RNF128: variants seen among roughly 807,000 people sequenced by gnomAD.
RNF128 encodes the protein E3 ubiquitin-protein ligase RNF128.
Under a neutral mutation model 26.2 loss-of-function variants are expected in RNF128, and 13 were observed. The ratio of observed to expected loss-of-function variants is 0.50; its 90% CI spans 0.32 to 0.79. The LOEUF is 0.79. RNF128 is among the 30% of genes least tolerant of loss of function. The pLI is 0.03. For missense variants in RNF128, 315 were observed against 349.7 expected, an observed-to-expected ratio of 0.90 and a Z score of 0.79; for synonymous variants, 149 against 142.5, an observed-to-expected ratio of 1.05 and a Z score of -0.32.
intron 1 of RNF128, among the ~76,000 whole-genome samples, chrX:106,755,020 T>G (rs1268191861): frequency 9.0e-6 from 1 of 111,341 alleles, no homozygotes; most frequent in Non-Finnish European, 1.9e-5. Context: ...TCAACAAACC[T>G]TTAGCCAGAA....
chrX:106,764,985 C>G (rs952329743), intron 1 of RNF128, among the ~76,000 whole-genome samples: 3 of 111,422 alleles, frequency 2.7e-5, no homozygotes, highest in African/African-American at 9.8e-5. Flanking sequence ...AAATTATCTC[C>G]AGATCCATAA....
chrX:106,779,066 G>GA (rs1930518757), intron 2 of RNF128, among the ~76,000 whole-genome samples: 1 of 111,395 alleles, frequency 9.0e-6, no homozygotes, highest in East Asian at 2.8e-4. Context: ...TCTTGTATAA[G>GA]AAGAACAGAT....
At chrX:106,714,496 G>A (rs1375863007) in intron 1 of RNF128, among the ~76,000 whole-genome samples, 1 of 111,200 alleles carries the variant, frequency 9.0e-6, no homozygotes, top group African/African-American at 3.3e-5. Flanking sequence ...CTCGTATAAC[G>A]ATAGTACAAT....
exon 1 of RNF128, chrX:106,694,251 G>A (rs1928836106): frequency 8.3e-7 from 1 of 1,210,990 alleles, no homozygotes; most frequent in Non-Finnish European, 1.1e-6. Context: ...ACAACACTGA[G>A]TTTAGTAATA....
At chrX:106,739,365 G>A (rs1050926461) in intron 1 of RNF128, among the ~76,000 whole-genome samples, 1 of 110,414 alleles carries the variant, frequency 9.1e-6, no homozygotes, top group Non-Finnish European at 1.9e-5. Context: ...CACCATGTTG[G>A]CCAGGCTGGT....
At chrX:106,701,651 G>C (rs1452466171) in intron 1 of RNF128, among the ~76,000 whole-genome samples, 1 of 111,478 alleles carries the variant, frequency 9.0e-6, no homozygotes, top group Non-Finnish European at 1.9e-5. Context: ...TAGTGCCCTG[G>C]ATAAAACAAT....
intron 1 of RNF128, among the ~76,000 whole-genome samples, chrX:106,730,569 AACTGTT>A (rs1929484552): frequency 8.9e-6 from 1 of 112,146 alleles, no homozygotes; most frequent in African/African-American, 3.2e-5. Context: ...TTGCACAACA[AACTGTT>A]CTGCTTACGC....
chrX:106,759,653 G>C (rs780526543), intron 1 of RNF128, among the ~76,000 whole-genome samples: 7 of 111,779 alleles, frequency 6.3e-5, no homozygotes, highest in African/African-American at 1.9e-4. Context: ...TGGAACTGGA[G>C]AATTATTATG....
chrX:106,773,921 AG>A (rs1930421149), intron 2 of RNF128, among the ~76,000 whole-genome samples: 1 of 111,180 alleles, frequency 9.0e-6, no homozygotes. Context: ...ATACATCTTC[AG>A]TTCCCGTGGC....
At chrX:106,701,597 G>A (rs1569434170) in intron 1 of RNF128, among the ~76,000 whole-genome samples, 1 of 111,013 alleles carries the variant, frequency 9.0e-6, no homozygotes, top group Non-Finnish European at 1.9e-5. Flanking sequence ...AGAAACAATA[G>A]GTAAAAGGGA....
At chrX:106,757,250 C>T (rs1930031909) in intron 1 of RNF128, among the ~76,000 whole-genome samples, 1 of 70,194 alleles carries the variant, frequency 1.4e-5, no homozygotes, top group African/African-American at 5.7e-5. Flanking sequence ...ACCCAAAGGA[C>T]TATAAATCAT....
intron 1 of RNF128, among the ~76,000 whole-genome samples, chrX:106,770,130 G>A (rs937098952): frequency 4.5e-5 from 5 of 111,962 alleles, no homozygotes; most frequent in South Asian, 3.7e-4. Context: ...AGTCTGATGG[G>A]CTTCCCTTTG....
chrX:106,750,121 G>A (rs1929856625), intron 1 of RNF128, among the ~76,000 whole-genome samples: 1 of 111,545 alleles, frequency 9.0e-6, no homozygotes, highest in South Asian at 3.7e-4. Context: ...GTCCAGTGGT[G>A]AGCTTGTTCA....
rs577539329 is a variant in RNF128, at chrX:106,721,661, T to G, written c.406+27253T>G. ...TATCTCCCTCAATGGTCACAGTGCC[T>G]GAAATGCATACAAGAGATATTTCAC... On this transcript the variant is annotated intron_variant, in intron 1 of 6. Coordinates refer to the RNF128 transcript ENST00000324342. Among the ~76,000 whole-genome samples the G allele has an allele frequency of 3.1e-4, 35 of 112,278 alleles. No homozygotes were observed. The South Asian group carries it at 6.7e-3, about 22-fold the overall frequency.
At chrX:106,777,918 C>T (rs1173185601) in intron 2 of RNF128, among the ~76,000 whole-genome samples, 5 of 111,322 alleles carry the variant, frequency 4.5e-5, no homozygotes, top group Admixed American at 1.9e-4. Flanking sequence ...TGCAGTGAGC[C>T]GAGATCATGC....
chrX:106,721,059 G>A (rs1301244433), intron 1 of RNF128, among the ~76,000 whole-genome samples: 2 of 111,972 alleles, frequency 1.8e-5, no homozygotes, highest in African/African-American at 3.3e-5. Flanking sequence ...TGAGCTGACC[G>A]AGGTTTAATC....
In RNF128 at chrX:106,727,178, G is replaced by C. The variant is rs775585163; in HGVS notation, c.265G>C (p.Gly89Arg). The C allele has an allele frequency of 8.3e-7, 1 of 1,209,575 alleles. No individual in the cohort carries two copies. The highest frequency in any genetic ancestry group is 1.1e-6 in the Non-Finnish European group (1 of 894,979). ...PVAGVLVPPD[G>R]PGALNACNPH... is the part of the protein sequence containing the mutation. ...GGCTGGGGTCCTGGTACCGCCCGAC[G>C]GGCCCGGGGCGCTTAACGCCTGTAA... Residue 89 changes from glycine (G) to arginine (R), a missense_variant, in exon 1 of 7, where the codon GGG (glycine) becomes CGG (arginine). Coordinates refer to ENST00000255499, the MANE Select transcript of RNF128 (RefSeq NM_194463.2).
intron 1 of RNF128, among the ~76,000 whole-genome samples, chrX:106,760,517 A>G (rs1316191022): frequency 8.9e-6 from 1 of 111,923 alleles, no homozygotes; most frequent in Non-Finnish European, 1.9e-5. Flanking sequence ...AGAAAAGGGA[A>G]CTCTTATATA....
chrX:106,773,512 G>A (rs375825320), intron 2 of RNF128, among the ~76,000 whole-genome samples: 27 of 110,599 alleles, frequency 2.4e-4, no homozygotes, highest in African/African-American at 8.2e-4. Flanking sequence ...GAAAGTACAC[G>A]GGAAAAAAAC....
Sources: gnomAD v4.1 joint callset for allele counts (sites outside exome capture counted in the v4.1 genomes callset) on GRCh38, gnomAD v4.1.1 for gene constraint, MANE v1.5 for transcripts, NCBI Gene and HGNC (gene_info 2026-07-23, HGNC 2026-07-21) for gene names.